The following FER1L5 variants were observed in gnomAD, a reference collection of about 807,000 sequenced individuals.
The protein encoded by FER1L5 is fer-1 like family member 5.
Under a neutral mutation model 279.9 loss-of-function variants are expected in FER1L5, and 187 were observed. The observed-to-expected ratio is 0.67, with a 90% CI of 0.59 to 0.75. FER1L5 has a LOEUF of 0.75. Among genes scored for constraint, FER1L5 ranks in the 30% least tolerant of loss-of-function variants. FER1L5 has a pLI of 0.00. For missense variants in FER1L5, 2,091 were observed against 2,594.4 expected, an observed-to-expected ratio of 0.81 and a Z score of 4.21; for synonymous variants, 921 against 989.7, an observed-to-expected ratio of 0.93 and a Z score of 1.30.
At chr2:96,648,048 C>T (rs370201394) in intron 4 of FER1L5, among the ~76,000 whole-genome samples, 162 bp downstream of exon 4, 12 of 152,344 alleles carry the variant, frequency 7.9e-5, no homozygotes, top group Admixed American at 2.0e-4. Context: ...CCCTCCCCAA[C>T]GCATCTATTT....
chr2:96,644,816 G>A (rs144973938), intron 1 of FER1L5, among the ~76,000 whole-genome samples: 9 of 152,284 alleles, frequency 5.9e-5, no homozygotes, highest in East Asian at 1.9e-4. Flanking sequence ...CAAGAGGGGC[G>A]GTGGGAGTTC....
chr2:96,704,396 G>A, intron 52 of FER1L5, 34 bp downstream of exon 52: 1 of 1,612,858 alleles, frequency 6.2e-7, no homozygotes. Context: ...GGACAAAGGT[G>A]GTCTCGGGAT....
chr2:96,695,362 C>A, intron 34 of FER1L5, 147 bp from the exon 35 acceptor site: 1 of 1,079,930 alleles, frequency 9.3e-7, no homozygotes, highest in Non-Finnish European at 1.3e-6. Context: ...TGTGCGCCTT[C>A]AGACACTGGC....
chr2:96,673,200 C>T lies in FER1L5; in HGVS notation c.1615C>T (p.Leu539=). 6.4e-7 allele frequency: 1 copy of T among 1,551,520 alleles called. No homozygotes were observed. Among genetic ancestry groups the T allele is most frequent in the Non-Finnish European group, 8.7e-7 (1 of 1,146,938 alleles). Reference sequence around the variant, plus strand: ...CGGTCACTATGGGAACAAGATGGACCTGAATTACAAGCCTCTAGTCTCAAG... The same window carrying T: ...CGGTCACTATGGGAACAAGATGGACTTGAATTACAAGCCTCTAGTCTCAAG... ...SIGHYGNKMD[L]NYKPLVSSTP... is the part of the protein sequence containing the mutation. The change falls in exon 19 of 53, where the codon CTG becomes TTG. Residue 539 remains leucine, a synonymous_variant. Coordinates refer to ENST00000624922, the MANE Select transcript of FER1L5 (RefSeq NM_001293083.2).
At position 96,662,328 on chromosome 2, in the gene FER1L5, A is replaced by G. The variant is rs1364506646; in HGVS notation, c.1071+61A>G. On this transcript the variant is annotated intron_variant, in intron 13 of 52. Transcript: ENST00000624922. ...GGCATCTAGAGAAAGTAGTTTGGAGAGGAGGGTGGCCTGGTGGGCAAGACC... is the reference window on the plus strand; with the variant it reads ...GGCATCTAGAGAAAGTAGTTTGGAGGGGAGGGTGGCCTGGTGGGCAAGACC... 4 of 1,503,686 alleles carry G rather than the reference A, an allele frequency of 2.7e-6. No homozygotes were observed. The African/African-American group carries it at 4.2e-5, about 16-fold the overall frequency. 93.1% of individuals were successfully genotyped at this position (1,503,686 alleles called of 1,614,324 possible). A position where few individuals can be genotyped will look rare whatever the true frequency, so the allele number is the denominator to read the frequency against.
At chr2:96,680,104 C>T (rs149292753) in intron 19 of FER1L5, among the ~76,000 whole-genome samples, 57 of 152,154 alleles carry the variant, frequency 3.7e-4, no homozygotes, top group Middle Eastern at 3.4e-3. Flanking sequence ...GCTTCGGTGG[C>T]GGTCACAGTT....
intron 14 of FER1L5, among the ~76,000 whole-genome samples, chr2:96,667,125 C>T (rs979399229): frequency 1.3e-5 from 2 of 152,048 alleles, no homozygotes; most frequent in African/African-American, 4.8e-5. Flanking sequence ...AATCACAGTC[C>T]TCAAGGGGTT....
chr2:96,669,221 G>T (rs1007446762), intron 17 of FER1L5, 84 bp downstream of exon 17: 1 of 1,338,900 alleles, frequency 7.5e-7, no homozygotes, highest in African/African-American at 1.5e-5. Flanking sequence ...GTGCCCCGAG[G>T]CCCCGGCCCT....
Position 96,659,372 on chromosome 2 carries a change from T to C in FER1L5, c.748-969T>C, listed in dbSNP as rs1442253660. On this transcript the variant is annotated intron_variant, in intron 9 of 52. Coordinates refer to ENST00000624922, the MANE Select transcript of FER1L5 (RefSeq NM_001293083.2). Reference sequence around the variant, plus strand: ...TTCCTTCCTTCCTTCCTTCTTTCTTTCTTTCTTTCTTTCTTTCTTTCTTTC... The same window carrying C: ...TTCCTTCCTTCCTTCCTTCTTTCTTCCTTTCTTTCTTTCTTTCTTTCTTTC... Among the ~76,000 whole-genome samples the C allele has an allele frequency of 1.7e-3, 20 of 11,838 alleles. No individual in the cohort carries two copies. In the East Asian group the frequency reaches 0.019, roughly 11 times the overall value. The allele number at this position is 11,838 out of a possible 152,430, so 7.8% of individuals were successfully genotyped here.
intron 19 of FER1L5, among the ~76,000 whole-genome samples, chr2:96,677,591 C>CAA (rs2106615793): frequency 6.6e-6 from 1 of 152,090 alleles, no homozygotes; most frequent in Admixed American, 6.6e-5. Flanking sequence ...GCTGCCCGGG[C>CAA]ACGGTGGCTC....
At chr2:96,703,936 C>T (rs542221175) in intron 51 of FER1L5, among the ~76,000 whole-genome samples, 2 of 151,634 alleles carry the variant, frequency 1.3e-5, no homozygotes, top group Admixed American at 6.6e-5. Flanking sequence ...CTGCCTCAGC[C>T]TCCTGAGTAG....
Position 96,689,848 on chromosome 2 carries a change from T to TC in FER1L5, c.2640+91dup. 8.7e-7 allele frequency: 1 copy of TC among 1,149,894 alleles called. No individual in the cohort carries two copies. The allele number at this position is 1,149,894 out of a possible 1,614,324, so 71.2% of individuals were successfully genotyped here. A position where few individuals can be genotyped will look rare whatever the true frequency, so the allele number is the denominator to read the frequency against. On this transcript the variant is annotated intron_variant, in intron 26 of 52. Coordinates refer to ENST00000624922, the MANE Select transcript of FER1L5 (RefSeq NM_001293083.2). This position sits in a 1 kb window ranked among gnomAD's most constrained non-coding sequence, Gnocchi z 4.6. The stretch of plus-strand genomic sequence containing the variant: ...AAGCTGGGGGTCCCAGTGGAAAGGG[T>TC]CTGAGCCCTATGCCCTGCACTATGT...
rs1486815190 is a variant in FER1L5, at chr2:96,642,833, C to T, written c.-4C>T. 2 of 1,550,378 alleles carry T rather than the reference C, an allele frequency of 1.3e-6. No individual in the cohort carries two copies. The highest frequency in any genetic ancestry group is 2.0e-5 in the Admixed American group (1 of 50,856). On this transcript the variant is annotated 5_prime_UTR_variant, in exon 1 of 53. Transcript: ENST00000624922. ...GGAAGGAGGGAAGAAAGTAGGTCTC[C>T]GAGATGCTGCGGCTTGTGGTGCAGT... is the stretch of plus-strand genomic sequence containing the variant.
At chr2:96,649,373 A>G (rs984532638) in intron 4 of FER1L5, among the ~76,000 whole-genome samples, 1 of 152,084 alleles carries the variant, frequency 6.6e-6, no homozygotes, top group South Asian at 2.1e-4. Flanking sequence ...TTCTGCCACC[A>G]TCACCACCAT....
intron 18 of FER1L5, among the ~76,000 whole-genome samples, chr2:96,672,396 C>T (rs183627539): frequency 3.2e-4 from 49 of 152,026 alleles, no homozygotes; most frequent in Admixed American, 3.9e-4. Flanking sequence ...ATTTTTTTAA[C>T]GTGAAAGGAA....
rs920175953 is a variant in FER1L5, at chr2:96,689,163, G to A, written c.2362-50G>A. On this transcript the variant is annotated intron_variant, in intron 24 of 52. Transcript: ENST00000624922. The surrounding 1 kb of genome is among the most constrained non-coding windows in gnomAD (Gnocchi z 4.6). ...GGGCCCAGGGGAGGCCCATGTCCCCGCACTTTGTGCTAGAGGAGGCGGCCG... is the reference window on the plus strand; with the variant it reads ...GGGCCCAGGGGAGGCCCATGTCCCCACACTTTGTGCTAGAGGAGGCGGCCG... The A allele has an allele frequency of 1.7e-5, 26 of 1,529,640 alleles. 1 individual carries two copies. The highest frequency in any genetic ancestry group is 1.5e-4 in the African/African-American group (11 of 71,908). The allele number at this position is 1,529,640 out of a possible 1,614,324, so 94.8% of individuals were successfully genotyped here.
Position 96,699,037 on chromosome 2 carries a change from G to A in FER1L5, c.4519-8G>A, listed in dbSNP as rs1286684949. 1.2e-6 allele frequency: 2 copies of A among 1,604,830 alleles called. No individual in the cohort carries two copies. Among genetic ancestry groups the A allele is most frequent in the East Asian group, 4.5e-5 (2 of 44,554 alleles). The stretch of plus-strand genomic sequence containing the variant: ...TCCTATCCTTCCCCCACTTGTATCT[G>A]ACCCCAGTGTGACCCTTATGTGATC... On this transcript the variant is annotated splice_polypyrimidine_tract_variant and splice_region_variant and intron_variant, in intron 41 of 52. Transcript: ENST00000624922.
rs991460495 is a variant in FER1L5 at position 96,696,165 on chromosome 2, T to C, written c.4083+88T>C. On this transcript the variant is annotated intron_variant, in intron 37 of 52. Transcript: ENST00000624922. ...AAGGAGGGGTGTCCATTAAACAGTCTGGATACCCGTGCCCAACTGTGAGGC... is the reference window on the plus strand; with the variant it reads ...AAGGAGGGGTGTCCATTAAACAGTCCGGATACCCGTGCCCAACTGTGAGGC... 24 of 1,552,858 alleles carry C rather than the reference T, an allele frequency of 1.5e-5. No individual in the cohort carries two copies. In the Middle Eastern group the frequency reaches 6.7e-4, roughly 43 times the overall value.
At chr2:96,686,855 CAAAAAAAAAAAAA>C (rs58724485) in intron 23 of FER1L5, among the ~76,000 whole-genome samples, 1 of 41,162 alleles carries the variant, frequency 2.4e-5, no homozygotes, top group African/African-American at 8.4e-5. Context: ...GACTCCGTCT[CAAAAAAAAAAAAA>C]AAAAAAAAAA....
Sources: gnomAD v4.1 joint callset for allele counts (sites outside exome capture counted in the v4.1 genomes callset) on GRCh38, gnomAD v4.1.1 for gene constraint, Gnocchi (gnomAD v3.1) non-coding constraint, MANE v1.5 for transcripts, NCBI Gene and HGNC (gene_info 2026-07-23, HGNC 2026-07-21) for gene names.